RNF215: variants seen among roughly 807,000 people sequenced by gnomAD.
RNF215 encodes the protein ring finger protein 215.
RNF215 carries 41 observed loss-of-function variants against 44.8 expected under a neutral mutation model. That is an observed-to-expected ratio of 0.92 (90% CI 0.71 to 1.19). RNF215 has a LOEUF of 1.19. Ranked by LOEUF, RNF215 falls within the 50% of genes most tolerant of loss-of-function variation. The pLI, the probability that RNF215 is intolerant of heterozygous loss-of-function variation, is 0.00. For missense variants in RNF215, 452 were observed against 496.2 expected, an observed-to-expected ratio of 0.91 and a Z score of 0.85; for synonymous variants, 218 against 230.1, an observed-to-expected ratio of 0.95 and a Z score of 0.48.
rs1933510905 is a variant in RNF215, at chr22:30,380,334, A to C, written c.812T>G (p.Val271Gly). 6.2e-7 allele frequency: 1 copy of C among 1,611,640 alleles called. No individual in the cohort carries two copies. The highest frequency in any genetic ancestry group is 1.7e-5 in the Admixed American group (1 of 59,914). ...CCGCGACGCCTGCCGCTGGGCCTGG[A>C]CCACGAGGCCTGTGCACAGGAGCAT... Reference protein sequence around the residue: ...VAMLLCTGLVVQAQRQASRQS... With the variant: ...VAMLLCTGLVGQAQRQASRQS... Residue 271 changes from valine (V) to glycine (G), a missense_variant, in exon 6 of 9, where the codon GTC becomes GGC. Val to Gly is a moderately radical substitution (Grantham distance 109). Coordinates refer to ENST00000382363, the MANE Select transcript of RNF215 (RefSeq NM_001017981.2). The surrounding 1 kb of genome is among the most constrained non-coding windows in gnomAD (Gnocchi z 5.3).
intron 5 of RNF215, among the ~76,000 whole-genome samples, chr22:30,382,945 T>C (rs552299178): frequency 3.9e-5 from 6 of 151,940 alleles, no homozygotes; most frequent in Non-Finnish European, 8.8e-5. Flanking sequence ...CTACAAAAAA[T>C]ACAAAAATTA....
intron 4 of RNF215, among the ~76,000 whole-genome samples, 156 bp downstream of exon 4, chr22:30,385,748 G>A (rs1933588855): frequency 6.6e-6 from 1 of 150,546 alleles, no homozygotes; most frequent in East Asian, 2.0e-4. Flanking sequence ...TTGCGCCACT[G>A]CACTCCAGCC....
intron 5 of RNF215, among the ~76,000 whole-genome samples, chr22:30,383,163 C>T (rs1194562070): frequency 2.0e-5 from 3 of 152,234 alleles, no homozygotes; most frequent in East Asian, 1.9e-4. Context: ...ACTGAGAGCC[C>T]GATGCCCATC....
chr22:30,386,949 G>C, intron 1 of RNF215, 80 bp downstream of exon 1: 1 of 1,504,162 alleles, frequency 6.6e-7, no homozygotes, highest in Non-Finnish European at 8.9e-7. Context: ...GAGGATGAAC[G>C]TCGGTTCAGG....
At chr22:30,381,470 A>G (rs1041324656) in intron 5 of RNF215, among the ~76,000 whole-genome samples, 1 of 152,178 alleles carries the variant, frequency 6.6e-6, no homozygotes, top group South Asian at 2.1e-4. Context: ...CTGCGCTCTG[A>G]CTACTCAACA....
At chr22:30,382,810 G>C (rs1933546476) in intron 5 of RNF215, among the ~76,000 whole-genome samples, 3 of 152,072 alleles carry the variant, frequency 2.0e-5, no homozygotes, top group Admixed American at 2.0e-4. Flanking sequence ...AGTAAGGACT[G>C]TTCATTAGCT....
At chr22:30,381,989 T>C (rs1933535639) in intron 5 of RNF215, among the ~76,000 whole-genome samples, 1 of 152,246 alleles carries the variant, frequency 6.6e-6, no homozygotes, top group African/African-American at 2.4e-5. Flanking sequence ...CTGGCCTATC[T>C]GCTCTCCAGA....
chr22:30,384,717 C>T (rs567193944), intron 4 of RNF215: 196 of 481,916 alleles, frequency 4.1e-4, no homozygotes, highest in African/African-American at 3.5e-3. Flanking sequence ...GGCCAGTCCT[C>T]TCTGCCCACA....
At chr22:30,384,070 G>A (rs963351330) in intron 5 of RNF215, among the ~76,000 whole-genome samples, 4 of 152,176 alleles carry the variant, frequency 2.6e-5, no homozygotes, top group African/African-American at 7.2e-5. Context: ...AGAGGGGTCT[G>A]AATTTTACAG....
At position 30,379,436 on chromosome 22, in the gene RNF215, T is replaced by A. The variant is rs1933487744; in HGVS notation, c.*164A>T. ...TCAGTCTGAAGCTGTGGGGCCCTCCTTCCCAGTGTGGACATGGTGGGGCCC... is the reference window on the plus strand; with the variant it reads ...TCAGTCTGAAGCTGTGGGGCCCTCCATCCCAGTGTGGACATGGTGGGGCCC... On this transcript the variant is annotated 3_prime_UTR_variant, in exon 9 of 9. Transcript: ENST00000382363. The A allele has an allele frequency of 2.5e-6, 2 of 800,158 alleles. No individual in the cohort carries two copies. Among genetic ancestry groups the A allele is most frequent in the South Asian group, 1.8e-5 (1 of 56,956 alleles). The allele number at this position is 800,158 out of a possible 1,614,324, so 49.6% of individuals were successfully genotyped here. A position where few individuals can be genotyped will look rare whatever the true frequency, so the allele number is the denominator to read the frequency against.
chr22:30,386,939 G>C (rs1461771852), intron 1 of RNF215, 90 bp downstream of exon 1: 1 of 1,498,710 alleles, frequency 6.7e-7, no homozygotes, highest in Non-Finnish European at 8.9e-7. Context: ...AGGCTTGGTG[G>C]AGGATGAACG....
At position 30,380,416 on chromosome 22, in the gene RNF215, A is replaced by G; in HGVS notation, c.745-15T>C. ...TGCAGGGGTTTCTGGGGAGGGAAGC[A>G]GTCATCAGGGACATGGGGCCACCCC... On this transcript the variant is annotated splice_polypyrimidine_tract_variant and intron_variant, in intron 5 of 8. Transcript: ENST00000382363. This position sits in a 1 kb window ranked among gnomAD's most constrained non-coding sequence, Gnocchi z 5.3. 1 of 1,594,728 alleles carries G rather than the reference A, an allele frequency of 6.3e-7. No homozygotes were observed. The highest frequency in any genetic ancestry group is 8.5e-7 in the Non-Finnish European group (1 of 1,169,764).
Position 30,384,392 on chromosome 22 carries a change from A to G in RNF215, c.691T>C (p.Tyr231His). 2 of 1,614,026 alleles carry G rather than the reference A, an allele frequency of 1.2e-6. No individual in the cohort carries two copies. The highest frequency in any genetic ancestry group is 1.7e-6 in the Non-Finnish European group (2 of 1,179,946). The part of the protein sequence containing the change: ...WTTCGLSKDG[Y>H]GGWQDLVCLG... ...CAGACCAAGTCCTGCCATCCTCCAT[A>G]GCCATCCTTGGAGAGGCCACAGGTG... The change falls in exon 5 of 9, where the codon TAT becomes CAT. Residue 231 changes from tyrosine (Y) to histidine (H), a missense_variant. Physicochemically the swap from Tyr to His is moderately conservative, Grantham distance 83 (BLOSUM62 2). Coordinates refer to ENST00000382363, the MANE Select transcript of RNF215 (RefSeq NM_001017981.2).
chr22:30,379,668 G>A (rs763337209), intron 8 of RNF215, 43 bp downstream of exon 8: 1 of 1,552,216 alleles, frequency 6.4e-7, no homozygotes, highest in East Asian at 2.4e-5. Flanking sequence ...ATCAGGTGAG[G>A]AGCAGGCAGA....
intron 2 of RNF215, 118 bp from the exon 3 acceptor site, chr22:30,386,259 A>T (rs1013700765): frequency 2.1e-6 from 2 of 954,428 alleles, no homozygotes; most frequent in Non-Finnish European, 3.2e-6. Flanking sequence ...CTCTGGACAG[A>T]CTGCCATAAG....
chr22:30,386,949 G>A, intron 1 of RNF215, 80 bp downstream of exon 1: 1 of 1,504,162 alleles, frequency 6.6e-7, no homozygotes. Context: ...GAGGATGAAC[G>A]TCGGTTCAGG....
rs1312625730 is a variant in RNF215, at chr22:30,379,224, C to T, written c.*376G>A. 1.1e-5 allele frequency: 3 copies of T among 268,856 alleles called. No individual in the cohort carries two copies. The highest frequency in any genetic ancestry group is 5.2e-5 in the South Asian group (1 of 19,180). 16.7% of individuals were successfully genotyped at this position (268,856 alleles called of 1,614,324 possible). On this transcript the variant is annotated 3_prime_UTR_variant, in exon 9 of 9. Coordinates refer to ENST00000382363, the MANE Select transcript of RNF215 (RefSeq NM_001017981.2). ...AAACCTGGCCACTGTAGTCTCAGCCCCCAGGAATTCCCAGACAGGCCACAG... is the reference window on the plus strand; with the variant it reads ...AAACCTGGCCACTGTAGTCTCAGCCTCCAGGAATTCCCAGACAGGCCACAG...
intron 5 of RNF215, among the ~76,000 whole-genome samples, chr22:30,382,763 G>A (rs1601758533): frequency 6.6e-6 from 1 of 152,146 alleles, no homozygotes; most frequent in African/African-American, 2.4e-5. Flanking sequence ...AGCCCCAGGT[G>A]AGGATGGAGG....
At chr22:30,382,503 G>C (rs1601758426) in intron 5 of RNF215, among the ~76,000 whole-genome samples, 1 of 152,008 alleles carries the variant, frequency 6.6e-6, no homozygotes, top group Admixed American at 6.6e-5. Flanking sequence ...ACACAGCCCT[G>C]GCTGTCAGGA....
Sources: gnomAD v4.1 joint callset for allele counts (sites outside exome capture counted in the v4.1 genomes callset) on GRCh38, gnomAD v4.1.1 for gene constraint, Gnocchi (gnomAD v3.1) non-coding constraint, MANE v1.5 for transcripts, NCBI Gene and HGNC (gene_info 2026-07-23, HGNC 2026-07-21) for gene names.